Variants in AGBL4 observed in about 807,000 individuals in gnomAD.
AGBL4 encodes the protein cytosolic carboxypeptidase 6.
A neutral mutation model predicts 66.4 loss-of-function variants in AGBL4; 58 were observed. The observed-to-expected ratio is 0.87, with a 90% CI of 0.71 to 1.09. The LOEUF (loss-of-function observed/expected upper bound fraction) is 1.09. Among genes scored for constraint, AGBL4 ranks in the 50% least tolerant of loss-of-function variants. The probability of loss-of-function intolerance (pLI) is 0.00; values close to 1 mark genes in which losing one functional copy is unlikely to be tolerated. For synonymous variants in AGBL4, 234 were observed against 222.9 expected, an observed-to-expected ratio of 1.05 and a Z score of -0.44; for missense variants, 579 against 631.0, an observed-to-expected ratio of 0.92 and a Z score of 0.88.
intron 3 of AGBL4, among the ~76,000 whole-genome samples, chr1:49,681,620 G>A (rs1646694747): frequency 6.6e-6 from 1 of 152,116 alleles, no homozygotes; most frequent in African/African-American, 2.4e-5. Flanking sequence ...AAAATGTTCA[G>A]GGTTTTAGTT....
At chr1:49,086,605 T>C (rs1456518830) in intron 4 of AGBL4, among the ~76,000 whole-genome samples, 1 of 151,940 alleles carries the variant, frequency 6.6e-6, no homozygotes, top group Admixed American at 6.5e-5. Flanking sequence ...GCAGTCCTAC[T>C]TCTGCTTGAA....
chr1:49,233,779 A>C (rs1214057870), intron 4 of AGBL4, among the ~76,000 whole-genome samples: 3 of 152,156 alleles, frequency 2.0e-5, no homozygotes, highest in Admixed American at 6.5e-5. Context: ...TATTTGAGTA[A>C]ATATTTGAAG....
At chr1:49,573,526 G>A (rs1431974681) in intron 3 of AGBL4, among the ~76,000 whole-genome samples, 1 of 152,120 alleles carries the variant, frequency 6.6e-6, no homozygotes, top group African/African-American at 2.4e-5. Flanking sequence ...TAATGATGCT[G>A]GTTGGTTGCT....
intron 1 of AGBL4, among the ~76,000 whole-genome samples, chr1:49,878,261 A>G (rs989715140): frequency 6.7e-6 from 1 of 149,058 alleles, no homozygotes; most frequent in African/African-American, 2.5e-5. Flanking sequence ...TAGGGTGTCA[A>G]TTTTGGATCT....
At chr1:49,142,082 C>A (rs1371648200) in intron 4 of AGBL4, among the ~76,000 whole-genome samples, 1 of 151,990 alleles carries the variant, frequency 6.6e-6, no homozygotes, top group African/African-American at 2.4e-5. Context: ...GGAGTGAGAA[C>A]CCTATTGTCA....
At chr1:48,611,158 G>A (rs992089681) in intron 9 of AGBL4, among the ~76,000 whole-genome samples, 1 of 152,204 alleles carries the variant, frequency 6.6e-6, no homozygotes, top group Non-Finnish European at 1.5e-5. Context: ...CGGATAGGCC[G>A]CCCAGCCCTC....
intron 6 of AGBL4, among the ~76,000 whole-genome samples, chr1:48,699,765 C>T (rs937641412): frequency 6.6e-6 from 1 of 152,152 alleles, no homozygotes; most frequent in Non-Finnish European, 1.5e-5. Context: ...TGATTGGCTT[C>T]CTTCCCGTTT....
intron 3 of AGBL4, among the ~76,000 whole-genome samples, chr1:49,660,462 C>A (rs892179043): frequency 6.6e-6 from 1 of 151,872 alleles, no homozygotes; most frequent in Admixed American, 6.6e-5. Context: ...TAGATGTTGG[C>A]GAGGTTGTGG....
intron 5 of AGBL4, among the ~76,000 whole-genome samples, chr1:48,908,202 GCTGACATCTTGTAAT>G: frequency 6.6e-6 from 1 of 152,220 alleles, no homozygotes; most frequent in East Asian, 1.9e-4. Context: ...CCAGGCCCCA[GCTGACATCTTGTAAT>G]TATGCCAAAT....
intron 2 of AGBL4, among the ~76,000 whole-genome samples, chr1:49,698,925 A>G (rs1647037137): frequency 6.6e-6 from 1 of 152,088 alleles, no homozygotes; most frequent in South Asian, 2.1e-4. Flanking sequence ...ACAAATTTGT[A>G]GTTTCAAAAT....
intron 4 of AGBL4, among the ~76,000 whole-genome samples, chr1:49,145,196 C>G (rs1009511682): frequency 1.3e-5 from 2 of 152,108 alleles, no homozygotes; most frequent in Admixed American, 1.3e-4. Flanking sequence ...CTTCTTATGG[C>G]TTTTTTTCCT....
intron 3 of AGBL4, among the ~76,000 whole-genome samples, chr1:49,411,615 C>T (rs1313749823): frequency 6.6e-6 from 1 of 152,014 alleles, no homozygotes; most frequent in East Asian, 1.9e-4. Context: ...AGTTGAAGTT[C>T]TATAAGAAAT....
intron 2 of AGBL4, among the ~76,000 whole-genome samples, chr1:49,700,909 G>T (rs1280523509): frequency 6.6e-6 from 1 of 151,698 alleles, no homozygotes; most frequent in Non-Finnish European, 1.5e-5. Flanking sequence ...AAAAGCAGAG[G>T]CAAGCAAAAA....
intron 3 of AGBL4, among the ~76,000 whole-genome samples, chr1:49,525,034 A>G (rs1240871690): frequency 6.6e-6 from 1 of 152,014 alleles, no homozygotes; most frequent in African/African-American, 2.4e-5. Flanking sequence ...TTTCCCTTCT[A>G]CAAAATGGAA....
chr1:48,837,189 A>C (rs1046791836), intron 6 of AGBL4, among the ~76,000 whole-genome samples: 1 of 151,986 alleles, frequency 6.6e-6, no homozygotes, highest in African/African-American at 2.4e-5. Context: ...GTCAGAAAAT[A>C]TTTTTGGTGA....
At chr1:49,599,592 T>G (rs1644915388) in intron 3 of AGBL4, among the ~76,000 whole-genome samples, 1 of 152,126 alleles carries the variant, frequency 6.6e-6, no homozygotes, top group African/African-American at 2.4e-5. Context: ...TTTTGAATGG[T>G]TTTTCATGTC....
At chr1:48,876,251 C>A (rs1272761643) in intron 5 of AGBL4, among the ~76,000 whole-genome samples, 2 of 152,130 alleles carry the variant, frequency 1.3e-5, no homozygotes, top group Non-Finnish European at 2.9e-5. Context: ...AATACAGAAA[C>A]CTCGATCAAG....
chr1:48,962,485 G>C (rs974244796), intron 5 of AGBL4, among the ~76,000 whole-genome samples: 3 of 152,188 alleles, frequency 2.0e-5, no homozygotes, highest in African/African-American at 7.2e-5. Flanking sequence ...TCAATACCAA[G>C]TTAGCCTATT....
chr1:49,283,183 C>G (rs1644318262), intron 3 of AGBL4, among the ~76,000 whole-genome samples: 1 of 152,188 alleles, frequency 6.6e-6, no homozygotes, highest in South Asian at 2.1e-4. Context: ...TGAGAACGGG[C>G]AGACTGCCTC....
Sources: gnomAD v4.1 joint callset for allele counts (sites outside exome capture counted in the v4.1 genomes callset) on GRCh38, gnomAD v4.1.1 for gene constraint, MANE v1.5 for transcripts, NCBI Gene and HGNC (gene_info 2026-07-23, HGNC 2026-07-21) for gene names.